The following THBS4 variants were observed in gnomAD, a reference collection of about 807,000 sequenced individuals.
The protein encoded by THBS4 is thrombospondin-4.
A neutral mutation model predicts 115.7 loss-of-function variants in THBS4; 90 were observed. That is an observed-to-expected ratio of 0.78 (90% CI 0.66 to 0.93). THBS4 has a LOEUF of 0.93. THBS4 is among the 40% of genes least tolerant of loss of function. The pLI, the probability that THBS4 is intolerant of heterozygous loss-of-function variation, is 0.00. For synonymous variants in THBS4, 460 were observed against 479.3 expected, an observed-to-expected ratio of 0.96 and a Z score of 0.53; for missense variants, 1,087 against 1,232.7, an observed-to-expected ratio of 0.88 and a Z score of 1.77.
At chr5:80,080,984 T>C (rs1381735265) in intron 20 of THBS4, among the ~76,000 whole-genome samples, 1 of 152,234 alleles carries the variant, frequency 6.6e-6, no homozygotes, top group Non-Finnish European at 1.5e-5. Flanking sequence ...CAAAGTAGTC[T>C]GACTTCTTTC....
intron 1 of THBS4, among the ~76,000 whole-genome samples, chr5:80,038,390 A>G (rs1832784781): frequency 6.6e-6 from 1 of 152,186 alleles, no homozygotes; most frequent in African/African-American, 2.4e-5. Context: ...TACATTTTAA[A>G]AATAGGTAGT....
intron 9 of THBS4, among the ~76,000 whole-genome samples, chr5:80,065,803 T>C (rs138632188): frequency 6.6e-6 from 1 of 152,338 alleles, no homozygotes; most frequent in Non-Finnish European, 1.5e-5. Flanking sequence ...TTTATATTAA[T>C]AGTTCAGTAT....
At chr5:80,029,447 C>A (rs1003751016) in intron 2 of THBS4, among the ~76,000 whole-genome samples, 2 of 151,870 alleles carry the variant, frequency 1.3e-5, no homozygotes, top group African/African-American at 4.9e-5. Context: ...TAAATGTATA[C>A]ATAATTATTA....
In THBS4 at chr5:80,035,427, C is replaced by T; in HGVS notation, c.-111C>T. On this transcript the variant is annotated 5_prime_UTR_variant, in exon 1 of 22. Coordinates refer to ENST00000350881, the MANE Select transcript of THBS4 (RefSeq NM_003248.6). The surrounding 1 kb of genome is among the most constrained non-coding windows in gnomAD (Gnocchi z 4.6). ...AGCCCGGACGCCGAGCACGGGTCAC[C>T]TGCGGCGCCGGCCCGGGCGCCGACC... is the stretch of plus-strand genomic sequence containing the variant. The T allele has an allele frequency of 1.5e-6, 1 of 674,440 alleles. No homozygotes were observed. Among genetic ancestry groups the T allele is most frequent in the Non-Finnish European group, 2.0e-6 (1 of 491,504 alleles). 41.8% of individuals were successfully genotyped at this position (674,440 alleles called of 1,614,324 possible). A position where few individuals can be genotyped will look rare whatever the true frequency, so the allele number is the denominator to read the frequency against.
chr5:80,058,382 T>C, intron 4 of THBS4, 68 bp downstream of exon 4: 1 of 1,202,532 alleles, frequency 8.3e-7, no homozygotes, highest in Non-Finnish European at 1.2e-6. Flanking sequence ...ATAGGCTGGG[T>C]CCCATCACCG....
At chr5:80,059,983 T>C (rs1833578341) in intron 7 of THBS4, 78 bp downstream of exon 7, 2 of 1,441,076 alleles carry the variant, frequency 1.4e-6, no homozygotes, top group African/African-American at 2.8e-5. Context: ...GAAGCCAAGC[T>C]GATGATTAAG....
At chr5:80,010,840 G>T (rs1277509790) in intron 2 of THBS4, among the ~76,000 whole-genome samples, 1 of 152,264 alleles carries the variant, frequency 6.6e-6, no homozygotes, top group Non-Finnish European at 1.5e-5. Context: ...CCAGGAAAGG[G>T]ATGTGACCTT....
At position 79,994,567 on chromosome 5, in the gene THBS4, A is replaced by G. The variant is rs1023650118; in HGVS notation, n.81+3155A>G. On this transcript the variant is annotated intron_variant and non_coding_transcript_variant, in intron 1 of 3. Transcript: ENST00000510218. ...ATTTATGTTCGCCTGTAATCCTAGC[A>G]CTTTGGGAGGGAGGATCACTTGAAC... is the stretch of plus-strand genomic sequence containing the variant. 7.9e-5 allele frequency among the ~76,000 whole-genome samples: 12 copies of G among 152,202 alleles called. No individual in the cohort carries two copies. In the South Asian group the frequency reaches 2.5e-3, roughly 32 times the overall value.
intron 2 of THBS4, among the ~76,000 whole-genome samples, chr5:80,026,370 A>G (rs1010259525): frequency 6.6e-6 from 1 of 152,222 alleles, no homozygotes; most frequent in African/African-American, 2.4e-5. Flanking sequence ...CCAGCAAGAA[A>G]AGAAGCCCAC....
At chr5:80,042,403 A>G (rs1408593568) in intron 2 of THBS4, among the ~76,000 whole-genome samples, 1 of 152,252 alleles carries the variant, frequency 6.6e-6, no homozygotes, top group Admixed American at 6.5e-5. Context: ...CGGTTCATCC[A>G]GCTTAATGGC....
intron 10 of THBS4, 24 bp downstream of exon 10, chr5:80,068,149 T>TATC (rs1369672221): frequency 1.2e-6 from 2 of 1,612,130 alleles, no homozygotes; most frequent in Non-Finnish European, 8.5e-7. Flanking sequence ...TGACTTCCTC[T>TATC]ATCATTTTTC....
chr5:80,016,845 C>T (rs965338219), intron 2 of THBS4, among the ~76,000 whole-genome samples: 10 of 152,138 alleles, frequency 6.6e-5, no homozygotes, highest in African/African-American at 1.9e-4. Context: ...GATAGATTAA[C>T]CCATACCACA....
chr5:80,057,262 C>G (rs397601), intron 3 of THBS4, among the ~76,000 whole-genome samples: 82,588 of 152,004 alleles, frequency 0.54, 22,770 homozygotes, highest in African/African-American at 0.63. Context: ...TCAGGACTCA[C>G]CCCTGACAAA....
intron 9 of THBS4, chr5:80,067,677 C>T (rs1017313529): frequency 4.1e-6 from 1 of 244,732 alleles, no homozygotes; most frequent in Non-Finnish European, 7.9e-6. Context: ...TTGACCTGTC[C>T]CCTATGCCCT....
At chr5:80,072,562 G>A in intron 14 of THBS4, 166 bp downstream of exon 14, 1 of 668,338 alleles carries the variant, frequency 1.5e-6, no homozygotes, top group South Asian at 1.9e-5. Flanking sequence ...ATGGTGGGAT[G>A]AACACCACAC....
At position 80,035,620 on chromosome 5, in the gene THBS4, C is replaced by G. The variant is rs749448595; in HGVS notation, c.83C>G (p.Pro28Arg). The G allele has an allele frequency of 1.5e-6, 2 of 1,378,578 alleles. No homozygotes were observed. Among genetic ancestry groups the G allele is most frequent in the East Asian group, 5.9e-5 (2 of 33,662 alleles). The allele number at this position is 1,378,578 out of a possible 1,614,324, so 85.4% of individuals were successfully genotyped here. Residue 28 changes from proline (P) to arginine (R), a missense_variant, in exon 1 of 22, where the codon CCC becomes CGC. Around this residue, in one of 3 missense-constraint regions of THBS4, gnomAD observed 979 missense variants for 1,103.7 expected, o/e 0.89. Coordinates refer to ENST00000350881, the MANE Select transcript of THBS4 (RefSeq NM_003248.6). This position sits in a 1 kb window ranked among gnomAD's most constrained non-coding sequence, Gnocchi z 4.6. ...CTAGCGGCAGGCGCCCAGGCCACCC[C>G]CCAGGGTAAGTGGGTTCGGGTCGGG... Reference protein sequence around the residue: ...RWLAAGAQATPQVFDLLPSSS... With the variant: ...RWLAAGAQATRQVFDLLPSSS...
At chr5:80,042,354 A>G (rs1423257448) in intron 2 of THBS4, among the ~76,000 whole-genome samples, 1 of 152,212 alleles carries the variant, frequency 6.6e-6, no homozygotes, top group African/African-American at 2.4e-5. Context: ...AGCTTCTCCT[A>G]ACCTGTCTAT....
intron 2 of THBS4, among the ~76,000 whole-genome samples, chr5:80,025,225 G>A (rs1182010900): frequency 6.6e-6 from 1 of 152,178 alleles, no homozygotes; most frequent in East Asian, 1.9e-4. Context: ...GATGACGTGT[G>A]GATATATGTT....
Position 80,072,262 on chromosome 5 carries a change from C to T in THBS4, c.1721-16C>T. ...GTGACATTCCCCTGACTCAAGGTAG[C>T]ATTTCTTTCTCACAGGAATAAAAAA... On this transcript the variant is annotated splice_polypyrimidine_tract_variant and intron_variant, in intron 13 of 21. Transcript: ENST00000350881. 2 of 1,608,808 alleles carry T rather than the reference C, an allele frequency of 1.2e-6. No individual in the cohort carries two copies. The highest frequency in any genetic ancestry group is 2.2e-5 in the South Asian group (2 of 90,974).
Sources: allele counts gnomAD v4.1 joint callset (sites outside exome capture counted in the v4.1 genomes callset), GRCh38; gene constraint gnomAD v4.1.1; regional missense constraint gnomAD v4.1.1; non-coding constraint Gnocchi (gnomAD v3.1); transcripts MANE v1.5; gene names NCBI Gene and HGNC (gene_info 2026-07-23, HGNC 2026-07-21).